Variants in ATP6V1G3 observed in about 807,000 individuals in gnomAD.
ATP6V1G3 encodes the protein ATPase H+ transporting V1 subunit G3.
In ATP6V1G3, 9 loss-of-function variants were observed where a neutral mutation model predicts 9.3. That is an observed-to-expected ratio of 0.97 (90% CI 0.59 to 1.69). The LOEUF (loss-of-function observed/expected upper bound fraction) is 1.69, where lower values mean the gene tolerates loss of function less well. Among genes scored for constraint, ATP6V1G3 ranks in the 40% most tolerant of loss-of-function variants. The pLI is 0.00. For missense variants in ATP6V1G3, 133 were observed against 139.0 expected (o/e 0.96, Z 0.22); for synonymous variants, 43 against 43.8 (o/e 0.98, Z 0.07).
chr1:198,536,566 A>T, intron 1 of ATP6V1G3: 1 of 845,694 alleles, frequency 1.2e-6, no homozygotes, highest in Non-Finnish European at 1.8e-6. Flanking sequence ...TCTAAATTCA[A>T]CCAAAATAGT....
intron 1 of ATP6V1G3, 126 bp downstream of exon 1, chr1:198,540,443 G>A (rs1201437516): frequency 5.8e-6 from 5 of 855,356 alleles, no homozygotes; most frequent in South Asian, 5.8e-5. Context: ...AATGGGTGAA[G>A]GTCTCACAGG....
chr1:198,527,964 G>A (rs548257364), intron 2 of ATP6V1G3, among the ~76,000 whole-genome samples: 1 of 152,156 alleles, frequency 6.6e-6, no homozygotes, highest in South Asian at 2.1e-4. Flanking sequence ...GAATTGTAGG[G>A]CGTGAGAATG....
chr1:198,527,322 A>C (rs1266551929), intron 2 of ATP6V1G3, among the ~76,000 whole-genome samples: 1 of 152,108 alleles, frequency 6.6e-6, no homozygotes, highest in Non-Finnish European at 1.5e-5. Flanking sequence ...AATAACTGTA[A>C]AATTGGCTTG....
At chr1:198,525,039 A>G (rs1473558220) in intron 2 of ATP6V1G3, among the ~76,000 whole-genome samples, 1 of 152,214 alleles carries the variant, frequency 6.6e-6, no homozygotes, top group Non-Finnish European at 1.5e-5. Flanking sequence ...CAAAGAAAAT[A>G]ATTTTGAAAA....
intron 2 of ATP6V1G3, among the ~76,000 whole-genome samples, chr1:198,528,250 C>G (rs1443030314): frequency 6.6e-6 from 1 of 151,946 alleles, no homozygotes; most frequent in African/African-American, 2.4e-5. Flanking sequence ...ATTATGTGGT[C>G]CAATTTATCT....
At chr1:198,534,880 A>G (rs1318418066) in intron 1 of ATP6V1G3, among the ~76,000 whole-genome samples, 1 of 152,204 alleles carries the variant, frequency 6.6e-6, no homozygotes, top group Non-Finnish European at 1.5e-5. Context: ...AAAGAATGCT[A>G]TTATTTTTCC....
chr1:198,524,727 A>G (rs1659590318), intron 2 of ATP6V1G3, among the ~76,000 whole-genome samples: 1 of 152,222 alleles, frequency 6.6e-6, no homozygotes, highest in East Asian at 1.9e-4. Context: ...AGCAAAAAAA[A>G]TCAACTCCTA....
At chr1:198,532,630 A>G (rs1659949232) in intron 1 of ATP6V1G3, among the ~76,000 whole-genome samples, 1 of 152,210 alleles carries the variant, frequency 6.6e-6, no homozygotes, top group Admixed American at 6.5e-5. Flanking sequence ...GGTGGATTCT[A>G]CTTTAGACAG....
chr1:198,525,536 C>A (rs916900421), intron 2 of ATP6V1G3, among the ~76,000 whole-genome samples: 1 of 151,988 alleles, frequency 6.6e-6, no homozygotes, highest in Non-Finnish European at 1.5e-5. Flanking sequence ...GTAATATGAG[C>A]CACAAAGGCA....
intron 2 of ATP6V1G3, 89 bp from the exon 3 acceptor site, chr1:198,523,653 T>C (rs1558174346): frequency 8.1e-7 from 1 of 1,233,104 alleles, no homozygotes. Context: ...ATGATTGTCC[T>C]ACAATGCACA....
chr1:198,540,768 G>A, upstream of ATP6V1G3: 3 of 1,112,062 alleles, frequency 2.7e-6, no homozygotes, highest in Admixed American at 3.7e-5. Flanking sequence ...TCCAAATGCA[G>A]CTGTTTCAAA....
intron 2 of ATP6V1G3, among the ~76,000 whole-genome samples, chr1:198,524,123 ATTTT>A (rs10712995): frequency 3.0e-5 from 4 of 133,278 alleles, no homozygotes; most frequent in Non-Finnish European, 3.2e-5. Flanking sequence ...TATATGCACA[ATTTT>A]TTTTTTTTTT....
At chr1:198,538,091 T>A (rs1039613469) in intron 1 of ATP6V1G3, among the ~76,000 whole-genome samples, 4 of 152,166 alleles carry the variant, frequency 2.6e-5, no homozygotes, top group Non-Finnish European at 4.4e-5. Context: ...TTGTTGAAAG[T>A]CAAAATATTT....
intron 1 of ATP6V1G3, among the ~76,000 whole-genome samples, chr1:198,539,949 T>A (rs1463297681): frequency 6.6e-6 from 1 of 152,164 alleles, no homozygotes; most frequent in Non-Finnish European, 1.5e-5. Context: ...CTGAGTACAG[T>A]GGCAAGTGCC....
At chr1:198,538,773 T>A (rs1296840969) in intron 1 of ATP6V1G3, among the ~76,000 whole-genome samples, 1 of 151,300 alleles carries the variant, frequency 6.6e-6, no homozygotes, top group Non-Finnish European at 1.5e-5. Context: ...TGTGGTGGCG[T>A]GTGTCTGTGG....
intron 2 of ATP6V1G3, among the ~76,000 whole-genome samples, chr1:198,528,070 T>A (rs1032927710): frequency 6.6e-6 from 1 of 151,724 alleles, no homozygotes. Context: ...GAGACTAGGG[T>A]GGTAGAAAAT....
Position 198,538,319 on chromosome 1 carries a change from A to G in ATP6V1G3, c.82+2250T>C, listed in dbSNP as rs1571721856. 2.0e-5 allele frequency among the ~76,000 whole-genome samples: 3 copies of G among 152,204 alleles called. No individual in the cohort carries two copies. The South Asian group carries it at 6.2e-4, about 31-fold the overall frequency. On this transcript the variant is annotated intron_variant, in intron 1 of 2. Coordinates refer to ENST00000367382, the MANE Select transcript of ATP6V1G3 (RefSeq NM_001376861.1). ...CCCAAGGACAGCATATTCACTAGAG[A>G]AAAGCAAAAGAAATTGGACTTTTAT...
intron 1 of ATP6V1G3, among the ~76,000 whole-genome samples, chr1:198,540,051 C>G (rs921002868): frequency 1.3e-5 from 2 of 151,380 alleles, no homozygotes; most frequent in African/African-American, 4.9e-5. Context: ...AGACCCTCAT[C>G]TCTTAAAAAA....
intron 1 of ATP6V1G3, among the ~76,000 whole-genome samples, chr1:198,537,875 G>A (rs1368021766): frequency 6.6e-6 from 1 of 152,202 alleles, no homozygotes; most frequent in Non-Finnish European, 1.5e-5. Context: ...CATTAGGGAA[G>A]TTATAACATA....
Sources: gnomAD v4.1 joint callset for allele counts (sites outside exome capture counted in the v4.1 genomes callset) on GRCh38, gnomAD v4.1.1 for gene constraint, MANE v1.5 for transcripts, NCBI Gene and HGNC (gene_info 2026-07-23, HGNC 2026-07-21) for gene names.